The following GLRA3 variants were observed in gnomAD, a reference collection of about 807,000 sequenced individuals.
The protein encoded by GLRA3 is glycine receptor alpha 3.
In GLRA3, 44 loss-of-function variants were observed where a neutral mutation model predicts 60.4. The observed-to-expected ratio is 0.73, with a 90% confidence interval of 0.57 to 0.94. GLRA3 has a LOEUF of 0.94. Among genes scored for constraint, GLRA3 ranks in the 40% least tolerant of loss-of-function variants. The pLI is 0.00. For missense variants in GLRA3, 508 were observed against 564.6 expected (o/e 0.90, Z 1.02); for synonymous variants, 223 against 192.9 (o/e 1.16, Z -1.29).
intron 1 of GLRA3, among the ~76,000 whole-genome samples, chr4:174,794,711 T>G (rs1448606520): frequency 6.6e-6 from 1 of 152,220 alleles, no homozygotes; most frequent in Non-Finnish European, 1.5e-5. Context: ...TCTCATTTCT[T>G]TTGATGTATT....
At chr4:174,777,305 C>T (rs1201667065) in intron 2 of GLRA3, among the ~76,000 whole-genome samples, 1 of 152,072 alleles carries the variant, frequency 6.6e-6, no homozygotes, top group Non-Finnish European at 1.5e-5. Flanking sequence ...TATAAAGTTT[C>T]TTTAATGTCA....
chr4:174,792,281 A>G lies in GLRA3; in HGVS notation c.72-3338T>C, dbSNP rs529258472. 1.7e-4 allele frequency among the ~76,000 whole-genome samples: 26 copies of G among 152,244 alleles called. 1 individual carries two copies. The South Asian group carries it at 5.2e-3, about 30-fold the overall frequency. On this transcript the variant is annotated intron_variant, in intron 1 of 9. Coordinates refer to ENST00000274093, the MANE Select transcript of GLRA3 (RefSeq NM_006529.4). ...AAAAGTCCAAGATCAAGTTGTCAGC[A>G]GGGTTGGTTTCCTCCGAGGCCCTCC...
At chr4:174,682,731 T>C in intron 6 of GLRA3, 71 bp downstream of exon 6, 1 of 1,114,140 alleles carries the variant, frequency 9.0e-7, no homozygotes, top group Non-Finnish European at 1.3e-6. Context: ...AACTTAGCAT[T>C]ATAATGAAGA....
In GLRA3 at chr4:174,677,157, G is replaced by A. The variant is rs774546798; in HGVS notation, c.848C>T (p.Pro283Leu). ...GGTTATCCCCAGAGCTACCCTGGCC[G>A]GTGCTGCATCCATGTTGATCCAGAA... is the stretch of plus-strand genomic sequence containing the variant. Reference protein sequence around the residue: ...VSFWINMDAAPARVALGITTV... With the variant: ...VSFWINMDAALARVALGITTV... Residue 283 changes from proline (P) to leucine (L), a missense_variant, in exon 7 of 10, where the codon CCG becomes CTG. Coordinates refer to ENST00000274093, the MANE Select transcript of GLRA3 (RefSeq NM_006529.4). 6.2e-6 allele frequency: 10 copies of A among 1,612,884 alleles called. No homozygotes were observed. The highest frequency in any genetic ancestry group is 3.3e-5 in the South Asian group (3 of 91,054).
At chr4:174,696,985 A>T (rs1160309577) in intron 5 of GLRA3, among the ~76,000 whole-genome samples, 3 of 152,174 alleles carry the variant, frequency 2.0e-5, no homozygotes, top group East Asian at 1.9e-4. Flanking sequence ...TAGCACAAAC[A>T]TACCAGTTTT....
At chr4:174,823,744 T>C (rs1740843569) in intron 1 of GLRA3, among the ~76,000 whole-genome samples, 1 of 152,122 alleles carries the variant, frequency 6.6e-6, no homozygotes, top group African/African-American at 2.4e-5. Context: ...CATCTGTAAA[T>C]ATGGACTAGT....
chr4:174,789,252 C>T (rs1739235626), intron 1 of GLRA3, among the ~76,000 whole-genome samples: 1 of 152,142 alleles, frequency 6.6e-6, no homozygotes, highest in Non-Finnish European at 1.5e-5. Context: ...TTTCTGATAG[C>T]AATTTTTAAC....
chr4:174,736,983 T>C (rs948652914), intron 3 of GLRA3, among the ~76,000 whole-genome samples: 1 of 152,220 alleles, frequency 6.6e-6, no homozygotes, highest in African/African-American at 2.4e-5. Context: ...AGGATCATAC[T>C]GATGCTTGTA....
intron 3 of GLRA3, among the ~76,000 whole-genome samples, chr4:174,732,389 A>G (rs1736587921): frequency 6.6e-6 from 1 of 151,954 alleles, no homozygotes. Context: ...AAAAATTAAC[A>G]TTGTAACATA....
chr4:174,776,033 CAGGGAT>C (rs1349573628), intron 2 of GLRA3, among the ~76,000 whole-genome samples: 1 of 152,052 alleles, frequency 6.6e-6, no homozygotes, highest in Non-Finnish European at 1.5e-5. Flanking sequence ...AAGGGGACCC[CAGGGAT>C]AGGGCCTGGC....
intron 5 of GLRA3, among the ~76,000 whole-genome samples, chr4:174,705,308 T>C (rs1260192668): frequency 6.9e-6 from 1 of 143,890 alleles, no homozygotes; most frequent in Non-Finnish European, 1.5e-5. Flanking sequence ...CCCTAGCAGA[T>C]GCTGGCAGCT....
intron 3 of GLRA3, among the ~76,000 whole-genome samples, chr4:174,745,650 C>A (rs1340506382): frequency 6.6e-6 from 1 of 151,956 alleles, no homozygotes; most frequent in Non-Finnish European, 1.5e-5. Flanking sequence ...CCATATTAAA[C>A]TAAAAAGCCC....
At chr4:174,729,862 G>T (rs1736485601) in intron 3 of GLRA3, among the ~76,000 whole-genome samples, 2 of 152,034 alleles carry the variant, frequency 1.3e-5, no homozygotes, top group South Asian at 4.1e-4. Context: ...CAAATTATGA[G>T]ACATCAGAAT....
intron 5 of GLRA3, among the ~76,000 whole-genome samples, chr4:174,684,668 G>C (rs1435022957): frequency 6.6e-6 from 1 of 152,240 alleles, no homozygotes; most frequent in Non-Finnish European, 1.5e-5. Flanking sequence ...CATGGAGGTA[G>C]AGAGAGGAGG....
chr4:174,665,681 T>C (rs1733641804), intron 7 of GLRA3, among the ~76,000 whole-genome samples: 1 of 152,196 alleles, frequency 6.6e-6, no homozygotes, highest in African/African-American at 2.4e-5. Flanking sequence ...TTCGTCTCAC[T>C]GTACTGACAT....
intron 7 of GLRA3, among the ~76,000 whole-genome samples, chr4:174,669,868 C>T (rs995026023): frequency 6.6e-6 from 1 of 152,264 alleles, no homozygotes; most frequent in Non-Finnish European, 1.5e-5. Context: ...GAGCCACTCA[C>T]GTAATGGTTT....
chr4:174,751,478 C>T (rs1737482452), intron 3 of GLRA3, among the ~76,000 whole-genome samples: 1 of 151,916 alleles, frequency 6.6e-6, no homozygotes, highest in Admixed American at 6.6e-5. Context: ...TGTGCAGGCA[C>T]ACAAAGAAAG....
intron 5 of GLRA3, among the ~76,000 whole-genome samples, chr4:174,689,398 C>A: frequency 6.6e-6 from 1 of 152,126 alleles, no homozygotes; most frequent in African/African-American, 2.4e-5. Context: ...TTGAGAGATG[C>A]GGAAAAAGCC....
intron 9 of GLRA3, among the ~76,000 whole-genome samples, chr4:174,645,056 A>T (rs569153663): frequency 2.0e-5 from 3 of 152,036 alleles, no homozygotes; most frequent in Non-Finnish European, 4.4e-5. Flanking sequence ...TAAAGTTGTT[A>T]TATCTCTCCT....
Sources: gnomAD v4.1 joint callset for allele counts (sites outside exome capture counted in the v4.1 genomes callset) on GRCh38, gnomAD v4.1.1 for gene constraint, MANE v1.5 for transcripts, NCBI Gene and HGNC (gene_info 2026-07-23, HGNC 2026-07-21) for gene names.